The following ROBO2 variants were observed in gnomAD, a reference collection of about 807,000 sequenced individuals.
ROBO2 encodes roundabout homolog 2.
ROBO2 carries 53 observed loss-of-function variants against 160.8 expected under a neutral mutation model. That is an observed-to-expected ratio of 0.33 (90% CI 0.26 to 0.41). The LOEUF (loss-of-function observed/expected upper bound fraction) is 0.41, where lower values mean the gene tolerates loss of function less well. Among genes scored for constraint, ROBO2 ranks in the 10% least tolerant of loss-of-function variants. The pLI is 1.00. For missense variants in ROBO2, 1,577 were observed against 1,722.4 expected, an observed-to-expected ratio of 0.92 and a Z score of 1.49; for synonymous variants, 664 against 611.7, an observed-to-expected ratio of 1.09 and a Z score of -1.26.
At chr3:76,988,510 A>T (rs2060503346) in intron 2 of ROBO2, among the ~76,000 whole-genome samples, 1 of 152,198 alleles carries the variant, frequency 6.6e-6, no homozygotes, top group Admixed American at 6.5e-5. Flanking sequence ...ATATGTAGAA[A>T]TGTAGAAGAC....
intron 2 of ROBO2, among the ~76,000 whole-genome samples, chr3:77,460,033 GGAAGAATT>G (rs150806299): frequency 0.013 from 1,957 of 152,198 alleles, 43 homozygotes; most frequent in African/African-American, 0.045. Context: ...GTCTGCTGCA[GGAAGAATT>G]GACTGTAGTG....
chr3:76,522,474 T>C (rs1206387510), intron 2 of ROBO2, among the ~76,000 whole-genome samples: 1 of 152,174 alleles, frequency 6.6e-6, no homozygotes, highest in Non-Finnish European at 1.5e-5. Flanking sequence ...ATTTGAAAAG[T>C]AAAATGTCAA....
chr3:76,262,837 A>G (rs1490258593), intron 2 of ROBO2, among the ~76,000 whole-genome samples: 1 of 152,170 alleles, frequency 6.6e-6, no homozygotes, highest in African/African-American at 2.4e-5. Flanking sequence ...CTACAGAGCA[A>G]TTATGCTTGG....
At chr3:76,621,242 T>A (rs1266923689) in intron 2 of ROBO2, among the ~76,000 whole-genome samples, 1 of 152,172 alleles carries the variant, frequency 6.6e-6, no homozygotes, top group Non-Finnish European at 1.5e-5. Context: ...TTACTTACAG[T>A]GCATTGTGGG....
intron 2 of ROBO2, among the ~76,000 whole-genome samples, chr3:77,433,248 G>A (rs943274624): frequency 6.6e-6 from 1 of 151,742 alleles, no homozygotes; most frequent in Non-Finnish European, 1.5e-5. Flanking sequence ...AGACAGTGAG[G>A]CAAGGTGAGC....
intron 2 of ROBO2, among the ~76,000 whole-genome samples, chr3:76,484,389 A>T (rs147059766): frequency 6.6e-6 from 1 of 152,278 alleles, no homozygotes; most frequent in African/African-American, 2.4e-5. Flanking sequence ...AAAAACACTT[A>T]AGTATCTGTT....
At chr3:76,346,271 A>G (rs972607394) in intron 2 of ROBO2, among the ~76,000 whole-genome samples, 8 of 150,380 alleles carry the variant, frequency 5.3e-5, no homozygotes, top group Non-Finnish European at 7.4e-5. Context: ...TTTTTGAGAC[A>G]GAGTCTCGCT....
rs113861196 is a variant in ROBO2, at chr3:77,024,136, C to T, written c.110-73878C>T. Among the ~76,000 whole-genome samples, 423 of 152,306 alleles carry T rather than the reference C, an allele frequency of 2.8e-3. 1 individual carries two copies. Among genetic ancestry groups the T allele is most frequent in the African/African-American group, 9.8e-3 (409 of 41,568 alleles). On this transcript the variant is annotated intron_variant, in intron 2 of 26. Coordinates refer to the ROBO2 transcript ENST00000487694. ...AACATAGATTTACTTAGCTATCTTACATTCTTAGCATTGCCTCCACAGTGT... is the reference window on the plus strand; with the variant it reads ...AACATAGATTTACTTAGCTATCTTATATTCTTAGCATTGCCTCCACAGTGT...
chr3:77,262,994 C>T (rs1274028369), intron 2 of ROBO2, among the ~76,000 whole-genome samples: 1 of 152,174 alleles, frequency 6.6e-6, no homozygotes, highest in Admixed American at 6.5e-5. Context: ...CATCTGAGAA[C>T]ACTGAGACAC....
intron 2 of ROBO2, among the ~76,000 whole-genome samples, chr3:76,834,112 T>TTCTTTCTTTCTTTCTTTCTTTCTTTCTC (rs1267085073): frequency 2.8e-5 from 4 of 145,402 alleles, no homozygotes; most frequent in African/African-American, 1.0e-4. Context: ...CTTTCTTTCT[T>TTCTTTCTTTCTTTCTTTCTTTCTTTCTC]TCTCTCTGTC....
intron 2 of ROBO2, among the ~76,000 whole-genome samples, chr3:76,568,905 C>T (rs1000781439): frequency 6.6e-6 from 1 of 152,074 alleles, no homozygotes; most frequent in Non-Finnish European, 1.5e-5. Flanking sequence ...ATATGTAAAA[C>T]CTGCAACTAA....
intron 2 of ROBO2, among the ~76,000 whole-genome samples, chr3:75,950,022 G>GTT (rs139672674): frequency 4.0e-5 from 6 of 151,382 alleles, no homozygotes; most frequent in Non-Finnish European, 7.4e-5. Flanking sequence ...ACATATGCAT[G>GTT]TGTGTGTGTG....
intron 2 of ROBO2, among the ~76,000 whole-genome samples, chr3:76,125,912 C>T (rs544038855): frequency 1.5e-4 from 23 of 152,176 alleles, no homozygotes; most frequent in Middle Eastern, 3.4e-3. Context: ...CTGCAACCTC[C>T]GCTTCCTGGA....
At chr3:76,165,346 A>G (rs1449895656) in intron 2 of ROBO2, among the ~76,000 whole-genome samples, 6 of 148,678 alleles carry the variant, frequency 4.0e-5, no homozygotes, top group Admixed American at 3.3e-4. Context: ...CTGGCTTCCC[A>G]TTTTTTTTTT....
At chr3:77,595,830 A>G (rs1325869393) in intron 18 of ROBO2, among the ~76,000 whole-genome samples, 1 of 152,140 alleles carries the variant, frequency 6.6e-6, no homozygotes, top group Non-Finnish European at 1.5e-5. Context: ...TTCCATAGAA[A>G]CACATGTTTC....
At chr3:76,015,373 A>G (rs2066378994) in intron 2 of ROBO2, among the ~76,000 whole-genome samples, 1 of 152,228 alleles carries the variant, frequency 6.6e-6, no homozygotes. Context: ...TGTTACACAG[A>G]TATTTGAAGC....
intron 2 of ROBO2, among the ~76,000 whole-genome samples, chr3:76,442,046 A>T (rs1036123660): frequency 6.6e-6 from 1 of 152,168 alleles, no homozygotes; most frequent in Non-Finnish European, 1.5e-5. Flanking sequence ...CTTTGAGGAG[A>T]AATACAGTGA....
intron 1 of ROBO2, among the ~76,000 whole-genome samples, chr3:77,046,630 T>C (rs1024673594): frequency 2.0e-5 from 3 of 152,150 alleles, no homozygotes; most frequent in Non-Finnish European, 2.9e-5. Context: ...GAAACTAGAC[T>C]CCAGGGATGC....
intron 2 of ROBO2, among the ~76,000 whole-genome samples, chr3:76,588,016 T>C (rs2086165358): frequency 6.6e-6 from 1 of 152,196 alleles, no homozygotes; most frequent in South Asian, 2.1e-4. Context: ...TGATTACTTA[T>C]TGTGTGTTAT....
Sources: gnomAD v4.1 joint callset for allele counts (sites outside exome capture counted in the v4.1 genomes callset) on GRCh38, gnomAD v4.1.1 for gene constraint, MANE v1.5 for transcripts, NCBI Gene and HGNC (gene_info 2026-07-23, HGNC 2026-07-21) for gene names.